Variants in AK9 observed in about 807,000 individuals in gnomAD.
AK9 encodes the protein adenylate kinase 9.
A neutral mutation model predicts 239.6 loss-of-function variants in AK9; 191 were observed. The ratio of observed to expected loss-of-function variants is 0.80; its 90% CI spans 0.71 to 0.90. The LOEUF (loss-of-function observed/expected upper bound fraction) is 0.90. AK9 is among the 40% of genes least tolerant of loss of function. The pLI is 0.00. For missense variants in AK9, 1,995 were observed against 2,214.7 expected (o/e 0.90, Z 1.99); for synonymous variants, 689 against 721.0 (o/e 0.96, Z 0.71).
At chr6:109,500,217 G>A (rs1414092645) in intron 35 of AK9, among the ~76,000 whole-genome samples, 1 of 152,082 alleles carries the variant, frequency 6.6e-6, no homozygotes, top group Non-Finnish European at 1.5e-5. Flanking sequence ...CCACCCAAGA[G>A]AAGGAAAACA....
intron 8 of AK9, among the ~76,000 whole-genome samples, chr6:109,652,388 T>C (rs1019136015): frequency 2.0e-5 from 3 of 152,192 alleles, no homozygotes; most frequent in African/African-American, 7.2e-5. Context: ...AAACTAGGTA[T>C]TGATGGGATG....
At chr6:109,512,648 A>G (rs1778870507) in intron 32 of AK9, among the ~76,000 whole-genome samples, 1 of 152,178 alleles carries the variant, frequency 6.6e-6, no homozygotes, top group Non-Finnish European at 1.5e-5. Flanking sequence ...TCAGTCATTA[A>G]GACTTATTGT....
rs541132051 is a variant in AK9 at position 109,601,822 on chromosome 6, A to T, written c.1842+8543T>A. 4.2e-3 allele frequency among the ~76,000 whole-genome samples: 391 copies of T among 92,616 alleles called. 1 individual carries two copies. Among genetic ancestry groups the T allele is most frequent in the Middle Eastern group, 0.016 (3 of 186 alleles). 60.8% of individuals were successfully genotyped at this position (92,616 alleles called of 152,430 possible). Reference sequence around the variant, plus strand: ...CTCTTCTTGTTGAATTGATCCCTTTACCATTATGCAATGACCTTGTCTCTT... The same window carrying T: ...CTCTTCTTGTTGAATTGATCCCTTTTCCATTATGCAATGACCTTGTCTCTT... On this transcript the variant is annotated intron_variant, in intron 17 of 40. Transcript: ENST00000424296.
chr6:109,533,119 C>T (rs756433352), intron 28 of AK9, 132 bp downstream of exon 28: 16 of 669,756 alleles, frequency 2.4e-5, no homozygotes, highest in Admixed American at 3.8e-5. Flanking sequence ...TCTTAATATT[C>T]GATGAAAAAT....
At chr6:109,635,366 A>G (rs1443640993) in intron 10 of AK9, among the ~76,000 whole-genome samples, 1 of 152,204 alleles carries the variant, frequency 6.6e-6, no homozygotes, top group Admixed American at 6.5e-5. Flanking sequence ...AAGACATGGG[A>G]CCTTGTGATA....
chr6:109,641,526 T>C lies in AK9; in HGVS notation c.925A>G (p.Met309Val), dbSNP rs1456290515. The change falls in exon 10 of 41, where the codon ATG (methionine) becomes GTG (valine). Residue 309 changes from methionine to valine, a missense_variant. By Grantham distance (21) the Met-to-Val change is conservative. Transcript: ENST00000424296. ...QGAEEEINDTMENDELFRTLA... is the reference protein window; with the variant it reads ...QGAEEEINDTVENDELFRTLA... ...AGTTCCATATAACTTACATTTTCCA[T>C]TGTGTCATTAATTTCTTCCTCTGCA... 3 of 1,610,690 alleles carry C rather than the reference T, an allele frequency of 1.9e-6. No homozygotes were observed. The highest frequency in any genetic ancestry group is 2.2e-5 in the East Asian group (1 of 44,852).
At chr6:109,628,143 A>G (rs559235641) in intron 12 of AK9, among the ~76,000 whole-genome samples, 1 of 152,272 alleles carries the variant, frequency 6.6e-6, no homozygotes, top group African/African-American at 2.4e-5. Context: ...ACAGTGTGTC[A>G]GCTCAATGTT....
In AK9 at chr6:109,674,206, C is replaced by T. The variant is rs141208748; in HGVS notation, c.173G>A (p.Arg58His). ...RYITQAWKCI[R>H]VEALPILEEQ... ...AAAAAGATAAAATTTACCTTCAACA[C>T]GAATACATTTCCATGCCTGTGTTAT... Residue 58 changes from arginine to histidine, a missense_variant, in exon 3 of 41, where the codon CGT (arginine) becomes CAT (histidine). Physicochemically the swap from Arg to His is conservative, Grantham distance 29. Around this residue, in one of 5 missense-constraint regions of AK9, gnomAD observed 252 missense variants for 246.4 expected, o/e 1.02. Coordinates refer to ENST00000424296, the MANE Select transcript of AK9 (RefSeq NM_001145128.3). 25 of 1,576,502 alleles carry T rather than the reference C, an allele frequency of 1.6e-5. No homozygotes were observed. Among genetic ancestry groups the T allele is most frequent in the African/African-American group, 1.2e-4 (9 of 73,212 alleles).
At chr6:109,615,586 G>A (rs955353644) in intron 13 of AK9, among the ~76,000 whole-genome samples, 4 of 151,976 alleles carry the variant, frequency 2.6e-5, no homozygotes, top group Non-Finnish European at 5.9e-5. Flanking sequence ...TAACCATTTG[G>A]ATGGCATGCA....
chr6:109,505,535 C>T (rs1778023784), intron 35 of AK9, among the ~76,000 whole-genome samples: 1 of 152,130 alleles, frequency 6.6e-6, no homozygotes. Context: ...ATGGACTCAA[C>T]ATTTATATCA....
Position 109,529,056 on chromosome 6 carries a change from T to C in AK9, c.3588A>G (p.Lys1196=). Residue 1196 remains lysine, a synonymous_variant, in exon 29 of 41, where the codon AAA becomes AAG. Coordinates refer to ENST00000424296, the MANE Select transcript of AK9 (RefSeq NM_001145128.3). ...KAKIRVDTIA[K]RRAELILERD... is the part of the protein sequence containing the mutation. ...TCTCTAATATAAGTTCAGCCCTTCT[T>C]TTAGCAATCGTATCAACCTGTTAAA... 6.3e-7 allele frequency: 1 copy of C among 1,582,712 alleles called. No individual in the cohort carries two copies. Among genetic ancestry groups the C allele is most frequent in the Non-Finnish European group, 8.5e-7 (1 of 1,171,406 alleles).
Position 109,641,509 on chromosome 6 carries a change from A to G in AK9, c.933+9T>C, listed in dbSNP as rs370860285. 8.7e-6 allele frequency: 14 copies of G among 1,603,762 alleles called. No homozygotes were observed. The highest frequency in any genetic ancestry group is 1.2e-5 in the Non-Finnish European group (14 of 1,171,110). On this transcript the variant is annotated intron_variant, in intron 10 of 40. Transcript: ENST00000424296. ...AAATTAGACTTTCAGACAGTTCCAT[A>G]TAACTTACATTTTCCATTGTGTCAT...
intron 19 of AK9, among the ~76,000 whole-genome samples, chr6:109,580,973 C>G (rs543689272): frequency 9.4e-4 from 143 of 152,124 alleles, no homozygotes; most frequent in Non-Finnish European, 1.3e-3. Context: ...ATAAGCAACT[C>G]TATTTCAAAC....
intron 10 of AK9, among the ~76,000 whole-genome samples, chr6:109,635,833 G>T (rs992397924): frequency 1.2e-4 from 18 of 152,190 alleles, no homozygotes; most frequent in African/African-American, 4.3e-4. Flanking sequence ...CAATTATTAA[G>T]AATTTCAGGA....
rs1193017036 is a variant in AK9 at position 109,622,461 on chromosome 6, AATATTAATATAATAT to A, written c.1255-3240_1255-3226del. ...TATATTATACATCAATGTATAATAT[AATATTAATATAATAT>A]ATATTAATATAGTGTTAATATTATA... is the stretch of plus-strand genomic sequence containing the variant. On this transcript the variant is annotated intron_variant, in intron 12 of 40. Coordinates refer to ENST00000424296, the MANE Select transcript of AK9 (RefSeq NM_001145128.3). Among the ~76,000 whole-genome samples the A allele has an allele frequency of 3.5e-5, 5 of 142,736 alleles. No individual in the cohort carries two copies. In the East Asian group the frequency reaches 6.1e-4, roughly 17 times the overall value. 93.6% of individuals were successfully genotyped at this position (142,736 alleles called of 152,430 possible). A position where few individuals can be genotyped will look rare whatever the true frequency, so the allele number is the denominator to read the frequency against.
intron 17 of AK9, among the ~76,000 whole-genome samples, chr6:109,604,254 G>A (rs1792538881): frequency 6.6e-6 from 1 of 152,138 alleles, no homozygotes; most frequent in Non-Finnish European, 1.5e-5. Context: ...TCATTATTAA[G>A]TAGTCTATTG....
intron 27 of AK9, among the ~76,000 whole-genome samples, chr6:109,534,755 C>A (rs987753705): frequency 6.6e-6 from 1 of 152,094 alleles, no homozygotes; most frequent in Non-Finnish European, 1.5e-5. Context: ...ATCCCTCCCC[C>A]ACTCCCCACC....
chr6:109,638,699 T>C (rs1232840712), intron 10 of AK9, among the ~76,000 whole-genome samples: 5 of 152,124 alleles, frequency 3.3e-5, no homozygotes, highest in East Asian at 1.9e-4. Context: ...ATGTGCACAA[T>C]GTGCAGGTTT....
intron 1 of AK9, among the ~76,000 whole-genome samples, chr6:109,684,537 TAAAC>T (rs1403709339): frequency 6.8e-6 from 1 of 147,260 alleles, no homozygotes; most frequent in Admixed American, 6.8e-5. Flanking sequence ...ACAAAGAACT[TAAAC>T]AAACTTACAA....
Sources: allele counts gnomAD v4.1 joint callset (sites outside exome capture counted in the v4.1 genomes callset), GRCh38; gene constraint gnomAD v4.1.1; regional missense constraint gnomAD v4.1.1; transcripts MANE v1.5; gene names NCBI Gene and HGNC (gene_info 2026-07-23, HGNC 2026-07-21).